DOCK4: variants seen among roughly 807,000 people sequenced by gnomAD.
DOCK4 encodes the protein dedicator of cytokinesis 4.
In DOCK4, 97 loss-of-function variants were observed where a neutral mutation model predicts 268.1. The ratio of observed to expected loss-of-function variants is 0.36; its 90% CI spans 0.31 to 0.43. The LOEUF (loss-of-function observed/expected upper bound fraction) is 0.43, where lower values mean the gene tolerates loss of function less well. Among genes scored for constraint, DOCK4 ranks in the 20% least tolerant of loss-of-function variants. The pLI is 1.00. For synonymous variants in DOCK4, 954 were observed against 887.2 expected (o/e 1.08, Z -1.34); for missense variants, 2,145 against 2,455.7 (o/e 0.87, Z 2.67).
At chr7:112,010,729 C>A (rs140404649) in intron 1 of DOCK4, among the ~76,000 whole-genome samples, 1 of 152,194 alleles carries the variant, frequency 6.6e-6, no homozygotes, top group Non-Finnish European at 1.5e-5. Context: ...CCAGTTATCA[C>A]GGTCAGCCTT....
intron 4 of DOCK4, among the ~76,000 whole-genome samples, chr7:111,997,685 T>C (rs914900006): frequency 1.3e-5 from 2 of 152,256 alleles, no homozygotes; most frequent in African/African-American, 4.8e-5. Flanking sequence ...TATGGCTGAA[T>C]CTGTATTCTG....
chr7:111,983,862 G>GCGCACA, intron 7 of DOCK4, among the ~76,000 whole-genome samples: 90 of 138,642 alleles, frequency 6.5e-4, no homozygotes, highest in South Asian at 1.9e-3. Context: ...GCGCGCGCGC[G>GCGCACA]CACACACACA....
At chr7:111,983,709 G>A (rs1301965635) in intron 7 of DOCK4, among the ~76,000 whole-genome samples, 1 of 152,050 alleles carries the variant, frequency 6.6e-6, no homozygotes, top group Non-Finnish European at 1.5e-5. Flanking sequence ...AATATTTTAG[G>A]ATGATTCACG....
chr7:112,012,624 C>T (rs1215519369), intron 1 of DOCK4, among the ~76,000 whole-genome samples: 2 of 151,974 alleles, frequency 1.3e-5, no homozygotes, highest in African/African-American at 4.8e-5. Context: ...TATCATTTTC[C>T]AACCAATTGT....
Position 111,783,894 on chromosome 7 carries a change from T to C in DOCK4, c.3487A>G (p.Thr1163Ala). 6.2e-7 allele frequency: 1 copy of C among 1,605,440 alleles called. No homozygotes were observed. The highest frequency in any genetic ancestry group is 8.5e-7 in the Non-Finnish European group (1 of 1,175,628). The change falls in exon 34 of 53, where the codon ACT becomes GCT. Residue 1163 changes from threonine (T) to alanine (A), a missense_variant. Coordinates refer to ENST00000428084, the MANE Select transcript of DOCK4 (RefSeq NM_001363540.2). ...WRESGVSLIA[T>A]VTRLMERLLD... Reference sequence around the variant, plus strand: ...AACCTCTCCATTAGACGAGTTACAGTAGCAATTAATGAAACGCCACTTTCC... The same window carrying C: ...AACCTCTCCATTAGACGAGTTACAGCAGCAATTAATGAAACGCCACTTTCC...
chr7:111,901,694 T>C lies in DOCK4; in HGVS notation c.1300A>G (p.Ser434Gly). 1 of 1,613,606 alleles carries C rather than the reference T, an allele frequency of 6.2e-7. No individual in the cohort carries two copies. Among genetic ancestry groups the C allele is most frequent in the South Asian group, 1.1e-5 (1 of 91,070 alleles). Residue 434 changes from serine to glycine, a missense_variant, in exon 14 of 53, where the codon AGT (serine) becomes GGT (glycine). Around this residue, in one of 2 missense-constraint regions of DOCK4, gnomAD observed 1,598 missense variants for 1,986.7 expected, o/e 0.80. Coordinates refer to ENST00000428084, the MANE Select transcript of DOCK4 (RefSeq NM_001363540.2). ...VEVTMFIVDS[S>G]GQTLKDFISF... is the part of the protein sequence containing the mutation. ...TAACATACCTTCAGGGTTTGGCCAC[T>C]ACTGTCTACAATGAACATCGTAACT... is the stretch of plus-strand genomic sequence containing the variant.
chr7:111,846,942 G>A, intron 24 of DOCK4, 57 bp downstream of exon 24: 1 of 1,556,864 alleles, frequency 6.4e-7, no homozygotes, highest in Non-Finnish European at 8.7e-7. Flanking sequence ...ACTATTACAA[G>A]TTTATTTCCA....
chr7:111,939,991 G>T, intron 11 of DOCK4, 119 bp downstream of exon 11: 1 of 1,019,406 alleles, frequency 9.8e-7, no homozygotes. Flanking sequence ...GGGTTTTTGA[G>T]GAATGGCTCA....
At chr7:111,895,822 C>A in intron 15 of DOCK4, 104 bp from the exon 16 acceptor site, 6 of 1,039,212 alleles carry the variant, frequency 5.8e-6, no homozygotes, top group Non-Finnish European at 8.9e-6. Context: ...CACAACAGTT[C>A]CCACTACACA....
intron 8 of DOCK4, among the ~76,000 whole-genome samples, chr7:111,957,493 C>T (rs1220122406): frequency 6.6e-6 from 1 of 152,100 alleles, no homozygotes; most frequent in Non-Finnish European, 1.5e-5. Flanking sequence ...TATAACTAAA[C>T]AACCTGGAAA....
At chr7:112,201,170 GCA>G (rs1820902678) in intron 1 of DOCK4, among the ~76,000 whole-genome samples, 2 of 152,146 alleles carry the variant, frequency 1.3e-5, no homozygotes, top group African/African-American at 4.8e-5. Context: ...TATGATTAAA[GCA>G]TCTTTCTAAG....
intron 1 of DOCK4, among the ~76,000 whole-genome samples, chr7:112,128,273 G>A (rs905403720): frequency 3.3e-5 from 5 of 151,530 alleles, no homozygotes; most frequent in East Asian, 2.0e-4. Context: ...CCGGCCAGCC[G>A]CCCCGTCCGG....
At chr7:111,920,111 G>T (rs1792976312) in intron 12 of DOCK4, among the ~76,000 whole-genome samples, 1 of 152,172 alleles carries the variant, frequency 6.6e-6, no homozygotes, top group African/African-American at 2.4e-5. Flanking sequence ...ATGGTTACCA[G>T]GGATTGGAGA....
At chr7:112,055,321 G>GCCAGGACAGTCATC (rs1424000864) in intron 1 of DOCK4, among the ~76,000 whole-genome samples, 1 of 152,084 alleles carries the variant, frequency 6.6e-6, no homozygotes, top group African/African-American at 2.4e-5. Flanking sequence ...GAAACCCTTG[G>GCCAGGACAGTCATC]CCAGGACAGT....
intron 1 of DOCK4, among the ~76,000 whole-genome samples, chr7:112,127,742 T>C (rs1352387244): frequency 1.3e-5 from 2 of 152,144 alleles, no homozygotes; most frequent in Admixed American, 1.3e-4. Flanking sequence ...AAAGAAAGCC[T>C]AAGCTTGGCT....
chr7:111,971,714 G>A, intron 8 of DOCK4: 1 of 309,870 alleles, frequency 3.2e-6, no homozygotes, highest in South Asian at 5.0e-5. Context: ...GTACTTGTGG[G>A]CCAGCTTATG....
chr7:112,199,476 C>A (rs2116864082), intron 1 of DOCK4, among the ~76,000 whole-genome samples: 1 of 152,154 alleles, frequency 6.6e-6, no homozygotes, highest in East Asian at 1.9e-4. Flanking sequence ...TAGTAGTTAC[C>A]CAATGTCATC....
rs745710848 is a variant in DOCK4, at chr7:111,737,001, C to T, written c.5233-12G>A. On this transcript the variant is annotated splice_polypyrimidine_tract_variant and intron_variant, in intron 49 of 52. Transcript: ENST00000428084. ...TTAAACAGCATCCTCTGCAAAGTTA[C>T]AAGGGTTGATTTTTATGATGTGATA... 4 of 1,598,468 alleles carry T rather than the reference C, an allele frequency of 2.5e-6. No individual in the cohort carries two copies. The highest frequency in any genetic ancestry group is 2.2e-5 in the East Asian group (1 of 44,474).
chr7:111,969,762 G>A (rs1385236967), intron 8 of DOCK4, among the ~76,000 whole-genome samples: 3 of 151,820 alleles, frequency 2.0e-5, no homozygotes, highest in Non-Finnish European at 2.9e-5. Context: ...ATACACATCC[G>A]TAGCTGCACA....
Sources: gnomAD v4.1 joint callset for allele counts (sites outside exome capture counted in the v4.1 genomes callset) on GRCh38, gnomAD v4.1.1 for gene constraint, gnomAD v4.1.1 regional missense constraint, MANE v1.5 for transcripts, NCBI Gene and HGNC (gene_info 2026-07-23, HGNC 2026-07-21) for gene names.